DNAH14: variants seen among roughly 807,000 people sequenced by gnomAD.
DNAH14 encodes the protein dynein axonemal heavy chain 14, also known as axonemal beta dynein heavy chain 14.
In DNAH14, 478 loss-of-function variants were observed where a neutral mutation model predicts 520.9. The observed-to-expected ratio is 0.92, with a 90% CI of 0.85 to 0.99. The LOEUF is 0.99. DNAH14 is among the 50% of genes least tolerant of loss of function. The pLI is 0.00. For synonymous variants in DNAH14, 1,581 were observed against 1,757.2 expected (o/e 0.90, Z 2.51); for missense variants, 4,831 against 5,234.5 (o/e 0.92, Z 2.38).
intron 36 of DNAH14, among the ~76,000 whole-genome samples, chr1:225,168,624 G>C (rs937756206): frequency 7.2e-5 from 11 of 152,220 alleles, no homozygotes; most frequent in African/African-American, 2.7e-4. Context: ...CTATTGCTGA[G>C]GCTTGAGCAG....
intron 45 of DNAH14, 133 bp downstream of exon 45, chr1:225,258,251 T>C: frequency 2.3e-6 from 2 of 869,222 alleles, no homozygotes; most frequent in Non-Finnish European, 3.2e-6. Context: ...ATTAATTTAT[T>C]TTCTTACCAG....
chr1:225,147,258 CG>C lies in DNAH14; in HGVS notation c.4940+10del. 1 of 1,538,272 alleles carries C rather than the reference CG, an allele frequency of 6.5e-7. No individual in the cohort carries two copies. The highest frequency in any genetic ancestry group is 8.7e-7 in the Non-Finnish European group (1 of 1,143,186). On this transcript the variant is annotated intron_variant, in intron 31 of 85. Coordinates refer to ENST00000682510, the MANE Select transcript of DNAH14 (RefSeq NM_001367479.1). ...GACAACTATTCTGCCAGGTATTTGT[CG>C]AATGTGTTTATACCTTTTGAATTGA...
At chr1:225,312,388 A>G (rs1262999012) in intron 60 of DNAH14, among the ~76,000 whole-genome samples, 3 of 152,172 alleles carry the variant, frequency 2.0e-5, no homozygotes, top group African/African-American at 7.2e-5. Context: ...TGTCATCTGC[A>G]AACAGAGACA....
rs762462712 is a variant in DNAH14 at position 224,954,941 on chromosome 1, G to C, written c.78-18G>C. 1.3e-6 allele frequency: 2 copies of C among 1,553,548 alleles called. No homozygotes were observed. The highest frequency in any genetic ancestry group is 2.3e-5 in the East Asian group (1 of 44,094). On this transcript the variant is annotated intron_variant, in intron 2 of 85. Transcript: ENST00000682510. Reference sequence around the variant, plus strand: ...ATTTTCCATTTATTTTCTTAGAATTGTTTTCTTTGTCATTTAGACTTTTAA... The same window carrying C: ...ATTTTCCATTTATTTTCTTAGAATTCTTTTCTTTGTCATTTAGACTTTTAA...
At position 225,192,879 on chromosome 1, in the gene DNAH14, AG is replaced by A; in HGVS notation, c.5855del (p.Arg1952AsnfsTer2). The A allele has an allele frequency of 6.5e-7, 1 of 1,546,848 alleles. No individual in the cohort carries two copies. ...GAACACAAAGAAAGACATTGATCTC[AG>A]ACTAAAGTCAAGAATCTCAGATTTA... The part of the protein sequence containing the change: ...PKNTKKDIDL[R>X]LKSRISDLSN... On this transcript the variant is annotated frameshift_variant, in exon 38 of 86. Coordinates refer to ENST00000682510, the MANE Select transcript of DNAH14 (RefSeq NM_001367479.1). LOFTEE classifies it high-confidence loss of function.
rs1330818552 is a variant in DNAH14, at chr1:225,062,075, G to C, written c.2424+10280G>C. On this transcript the variant is annotated intron_variant, in intron 17 of 85. Transcript: ENST00000682510. ...GCAATTTGGGAGGCCGAGGCGGATGGAATGCTTGAGCTGAAGAGTTTGAGA... is the reference window on the plus strand; with the variant it reads ...GCAATTTGGGAGGCCGAGGCGGATGCAATGCTTGAGCTGAAGAGTTTGAGA... Among the ~76,000 whole-genome samples the C allele has an allele frequency of 2.3e-4, 3 of 13,202 alleles. No individual in the cohort carries two copies. In the Non-Finnish European group the frequency reaches 0.017, roughly 77 times the overall value. The allele number at this position is 13,202 out of a possible 152,430, so 8.7% of individuals were successfully genotyped here.
At chr1:225,058,713 A>T (rs921119519) in intron 17 of DNAH14, among the ~76,000 whole-genome samples, 1 of 151,994 alleles carries the variant, frequency 6.6e-6, no homozygotes, top group Non-Finnish European at 1.5e-5. Flanking sequence ...TGTTTCGCAG[A>T]GATTCTGGTA....
chr1:225,223,416 C>A (rs2090240282), intron 41 of DNAH14, among the ~76,000 whole-genome samples: 1 of 152,086 alleles, frequency 6.6e-6, no homozygotes, highest in South Asian at 2.1e-4. Flanking sequence ...TTTGGGTAGA[C>A]CAGTGACCTT....
chr1:225,360,354 A>C (rs957013593), intron 74 of DNAH14, among the ~76,000 whole-genome samples: 2 of 152,244 alleles, frequency 1.3e-5, no homozygotes, highest in Admixed American at 1.3e-4. Flanking sequence ...AGATGCCCAC[A>C]GAAGTTAAAA....
chr1:225,188,587 C>T (rs766146096), intron 37 of DNAH14, among the ~76,000 whole-genome samples: 3 of 151,748 alleles, frequency 2.0e-5, no homozygotes, highest in Non-Finnish European at 4.4e-5. Flanking sequence ...GGGATAAAGG[C>T]GGATTATTGT....
intron 17 of DNAH14, among the ~76,000 whole-genome samples, chr1:225,063,659 C>G (rs992787940): frequency 6.6e-6 from 1 of 151,900 alleles, no homozygotes; most frequent in Admixed American, 6.6e-5. Flanking sequence ...TGGGATAATA[C>G]CAAGTGATCT....
At chr1:224,998,154 C>T (rs911475872) in intron 8 of DNAH14, among the ~76,000 whole-genome samples, 8 of 152,056 alleles carry the variant, frequency 5.3e-5, no homozygotes, top group Admixed American at 4.6e-4. Context: ...CATTCCTGTT[C>T]CTGATACTTT....
rs555302950 is a variant in DNAH14 at position 225,204,162 on chromosome 1, A to G, written c.5887-21A>G. 1.4e-4 allele frequency: 182 copies of G among 1,270,554 alleles called. No individual in the cohort carries two copies. In the African/African-American group the frequency reaches 2.7e-3, roughly 19 times the overall value. 78.7% of individuals were successfully genotyped at this position (1,270,554 alleles called of 1,614,324 possible). On this transcript the variant is annotated intron_variant, in intron 38 of 85. Coordinates refer to ENST00000682510, the MANE Select transcript of DNAH14 (RefSeq NM_001367479.1). Reference sequence around the variant, plus strand: ...AGTGTTATTAAATAAAAATTTAAACATTATTGATTACATATTTTAGGTTTT... The same window carrying G: ...AGTGTTATTAAATAAAAATTTAAACGTTATTGATTACATATTTTAGGTTTT...
At chr1:225,191,661 T>C (rs2085457834) in intron 37 of DNAH14, among the ~76,000 whole-genome samples, 1 of 152,070 alleles carries the variant, frequency 6.6e-6, no homozygotes, top group Non-Finnish European at 1.5e-5. Context: ...TCTTTTCTTC[T>C]TCTGGAATTA....
intron 31 of DNAH14, among the ~76,000 whole-genome samples, chr1:225,151,226 T>A (rs1162796167): frequency 3.9e-5 from 6 of 152,196 alleles, no homozygotes; most frequent in Non-Finnish European, 7.3e-5. Context: ...AATCTAATAT[T>A]TCTAATGCAA....
At position 224,955,099 on chromosome 1, in the gene DNAH14, G is replaced by A; in HGVS notation, c.217+1G>A. On this transcript the variant is annotated splice_donor_variant, in intron 3 of 85. Coordinates refer to ENST00000682510, the MANE Select transcript of DNAH14 (RefSeq NM_001367479.1). LOFTEE classifies it high-confidence loss of function. ...TCTTTGAAGTCAGAGAAAACAGAAGGTATTTATCAAGATTACTATTCTGGC... is the reference window on the plus strand; with the variant it reads ...TCTTTGAAGTCAGAGAAAACAGAAGATATTTATCAAGATTACTATTCTGGC... The A allele has an allele frequency of 6.2e-7, 1 of 1,606,836 alleles. No homozygotes were observed. Among genetic ancestry groups the A allele is most frequent in the South Asian group, 1.1e-5 (1 of 88,918 alleles).
intron 43 of DNAH14, among the ~76,000 whole-genome samples, chr1:225,245,830 A>C (rs1449272034): frequency 1.3e-5 from 2 of 152,192 alleles, no homozygotes; most frequent in South Asian, 4.1e-4. Context: ...TGCTATTCCC[A>C]TCAAGCTACC....
intron 68 of DNAH14, among the ~76,000 whole-genome samples, chr1:225,339,770 T>G (rs962248682): frequency 6.6e-6 from 1 of 152,170 alleles, no homozygotes; most frequent in Non-Finnish European, 1.5e-5. Context: ...AGCTTCAATT[T>G]CACCCTTCAT....
intron 66 of DNAH14, among the ~76,000 whole-genome samples, chr1:225,336,068 T>C (rs914851470): frequency 6.9e-6 from 1 of 145,324 alleles, no homozygotes; most frequent in African/African-American, 2.6e-5. Context: ...TATGTATACA[T>C]ACATACTTAT....
Sources: allele counts gnomAD v4.1 joint callset (sites outside exome capture counted in the v4.1 genomes callset), GRCh38; gene constraint gnomAD v4.1.1; transcripts MANE v1.5; gene names NCBI Gene and HGNC (gene_info 2026-07-23, HGNC 2026-07-21).